The following GABRB2 variants were observed in gnomAD, a reference collection of about 807,000 sequenced individuals.
GABRB2 encodes gamma-aminobutyric acid receptor subunit beta-2.
GABRB2 carries 16 observed loss-of-function variants against 54.7 expected under a neutral mutation model. That is an observed-to-expected ratio of 0.29 (90% confidence interval 0.20 to 0.44). The LOEUF is 0.44. GABRB2 is among the 20% of genes least tolerant of loss of function. The pLI is 1.00. For synonymous variants in GABRB2, 244 were observed against 233.8 expected, an observed-to-expected ratio of 1.04 and a Z score of -0.40; for missense variants, 355 against 644.0, an observed-to-expected ratio of 0.55 and a Z score of 4.86.
At chr5:161,407,103 C>T (rs777035494) in intron 5 of GABRB2, among the ~76,000 whole-genome samples, 1 of 152,022 alleles carries the variant, frequency 6.6e-6, no homozygotes, top group Non-Finnish European at 1.5e-5. Flanking sequence ...TAGAGAATTC[C>T]TTCTTCCTTT....
At chr5:161,528,467 A>G (rs994959923) in intron 3 of GABRB2, among the ~76,000 whole-genome samples, 1 of 151,990 alleles carries the variant, frequency 6.6e-6, no homozygotes, top group Non-Finnish European at 1.5e-5. Flanking sequence ...TTTAATTTTC[A>G]TAATTTCTAA....
chr5:161,544,685 T>C (rs1356743718), intron 3 of GABRB2, among the ~76,000 whole-genome samples: 1 of 152,110 alleles, frequency 6.6e-6, no homozygotes, highest in South Asian at 2.1e-4. Flanking sequence ...ATTTTTATTT[T>C]GGTGGGCAGG....
chr5:161,546,267 G>T, intron 2 of GABRB2, 55 bp downstream of exon 2: 2 of 1,432,558 alleles, frequency 1.4e-6, no homozygotes, highest in Non-Finnish European at 2.0e-6. Flanking sequence ...CGCGCACAAA[G>T]CTCAAAAGAC....
intron 9 of GABRB2, among the ~76,000 whole-genome samples, chr5:161,320,151 C>T (rs1758168597): frequency 6.6e-6 from 1 of 150,622 alleles, no homozygotes; most frequent in Non-Finnish European, 1.5e-5. Flanking sequence ...TTGATTATTC[C>T]TTCTGCTTTA....
intron 3 of GABRB2, among the ~76,000 whole-genome samples, chr5:161,538,353 A>G (rs1233513798): frequency 6.6e-6 from 1 of 152,236 alleles, no homozygotes; most frequent in African/African-American, 2.4e-5. Flanking sequence ...TACGTAAAAT[A>G]TAAACCATTT....
chr5:161,522,664 C>A (rs764267612), intron 3 of GABRB2, among the ~76,000 whole-genome samples: 7 of 151,282 alleles, frequency 4.6e-5, no homozygotes, highest in Non-Finnish European at 8.9e-5. Context: ...CTTTCTTCTC[C>A]CCACAGAAAT....
chr5:161,387,399 C>A (rs1272118735), intron 5 of GABRB2, among the ~76,000 whole-genome samples: 1 of 152,122 alleles, frequency 6.6e-6, no homozygotes, highest in African/African-American at 2.4e-5. Flanking sequence ...GCCTGGTATC[C>A]TCTAGTCTTC....
At chr5:161,303,657 T>G (rs1757601197) in intron 9 of GABRB2, among the ~76,000 whole-genome samples, 1 of 152,156 alleles carries the variant, frequency 6.6e-6, no homozygotes, top group Non-Finnish European at 1.5e-5. Flanking sequence ...TTAATCTGTA[T>G]TAATTGCAAG....
chr5:161,448,247 A>G (rs1412408439), intron 4 of GABRB2, among the ~76,000 whole-genome samples: 1 of 152,054 alleles, frequency 6.6e-6, no homozygotes, highest in Non-Finnish European at 1.5e-5. Context: ...ACATAGTGAG[A>G]CCTTGTCTGT....
chr5:161,377,204 G>C (rs1333097217), intron 5 of GABRB2, among the ~76,000 whole-genome samples: 1 of 152,068 alleles, frequency 6.6e-6, no homozygotes, highest in African/African-American at 2.4e-5. Flanking sequence ...TGAGTTTTGA[G>C]TGTCTGTAGA....
intron 5 of GABRB2, among the ~76,000 whole-genome samples, chr5:161,400,436 A>G (rs530043275): frequency 3.3e-5 from 5 of 151,784 alleles, no homozygotes; most frequent in Non-Finnish European, 7.4e-5. Flanking sequence ...CATTCCCACC[A>G]CCCTCCCGCT....
intron 5 of GABRB2, among the ~76,000 whole-genome samples, chr5:161,360,681 C>T (rs573646142): frequency 3.3e-5 from 5 of 152,206 alleles, no homozygotes; most frequent in African/African-American, 1.2e-4. Flanking sequence ...TATGACCATT[C>T]TCTGAGGTGT....
At chr5:161,509,955 T>C (rs926433343) in intron 3 of GABRB2, among the ~76,000 whole-genome samples, 24 of 152,002 alleles carry the variant, frequency 1.6e-4, no homozygotes, top group African/African-American at 5.8e-4. Flanking sequence ...ATTTCTGTTT[T>C]GTTTTGCTTT....
chr5:161,297,771 G>T (rs1757424646), intron 9 of GABRB2, among the ~76,000 whole-genome samples: 1 of 152,120 alleles, frequency 6.6e-6, no homozygotes, highest in Non-Finnish European at 1.5e-5. Flanking sequence ...ATAGTAGAAT[G>T]ATTTATATTC....
At chr5:161,328,412 C>T (rs952018452) in intron 8 of GABRB2, among the ~76,000 whole-genome samples, 1 of 152,168 alleles carries the variant, frequency 6.6e-6, no homozygotes, top group Admixed American at 6.5e-5. Flanking sequence ...ACCCTCTTTG[C>T]ACATTATCAC....
intron 4 of GABRB2, among the ~76,000 whole-genome samples, chr5:161,455,077 C>T (rs1048099107): frequency 1.3e-5 from 2 of 152,208 alleles, no homozygotes; most frequent in African/African-American, 2.4e-5. Flanking sequence ...CTCCTGAAAT[C>T]CTCAAGACCA....
At chr5:161,476,158 A>C (rs2113311402) in intron 3 of GABRB2, among the ~76,000 whole-genome samples, 1 of 152,100 alleles carries the variant, frequency 6.6e-6, no homozygotes, top group African/African-American at 2.4e-5. Flanking sequence ...GAGAAATACA[A>C]AAAAGGAAAT....
At chr5:161,458,750 C>G (rs1370483052) in intron 4 of GABRB2, among the ~76,000 whole-genome samples, 1 of 152,136 alleles carries the variant, frequency 6.6e-6, no homozygotes, top group Admixed American at 6.5e-5. Flanking sequence ...TAAGGGTTAA[C>G]TATAATAATG....
intron 4 of GABRB2, among the ~76,000 whole-genome samples, chr5:161,417,756 C>T (rs553528407): frequency 6.6e-6 from 1 of 152,092 alleles, no homozygotes; most frequent in Non-Finnish European, 1.5e-5. Flanking sequence ...CCAAGGAGTC[C>T]CACTTAATAT....
Sources: gnomAD v4.1 joint callset for allele counts (sites outside exome capture counted in the v4.1 genomes callset) on GRCh38, gnomAD v4.1.1 for gene constraint, MANE v1.5 for transcripts, NCBI Gene and HGNC (gene_info 2026-07-23, HGNC 2026-07-21) for gene names.